The following C12orf42 variants were observed in gnomAD, a reference collection of about 807,000 sequenced individuals.
The protein encoded by C12orf42 is chromosome 12 open reading frame 42.
A neutral mutation model predicts 21.6 loss-of-function variants in C12orf42; 25 were observed. That is an observed-to-expected ratio of 1.16 (90% CI 0.84 to 1.62). C12orf42 has a LOEUF of 1.62. C12orf42 is among the 40% of genes most tolerant of loss of function. The pLI is 0.00. For synonymous variants in C12orf42, 174 were observed against 175.0 expected, an observed-to-expected ratio of 0.99 and a Z score of 0.05; for missense variants, 483 against 459.3, an observed-to-expected ratio of 1.05 and a Z score of -0.47.
intron 2 of C12orf42, among the ~76,000 whole-genome samples, chr12:103,403,191 C>T (rs936811666): frequency 5.9e-5 from 9 of 151,862 alleles, no homozygotes; most frequent in Non-Finnish European, 1.5e-5. Context: ...CTGGCTAACA[C>T]GGTGAAACCC....
intron 2 of C12orf42, among the ~76,000 whole-genome samples, chr12:103,422,368 A>G (rs2049984636): frequency 6.6e-6 from 1 of 152,236 alleles, no homozygotes; most frequent in South Asian, 2.1e-4. Context: ...CAAAAGCAAT[A>G]TCCCAATTCA....
chr12:103,530,960 C>G, the C12orf42 span, among the ~76,000 whole-genome samples: 1 of 152,096 alleles, frequency 6.6e-6, no homozygotes, highest in East Asian at 1.9e-4. Context: ...AGGCAAGAAG[C>G]GATGCAAACA....
intron 1 of C12orf42, among the ~76,000 whole-genome samples, chr12:103,491,953 T>G (rs1349606198): frequency 5.0e-5 from 2 of 39,646 alleles, no homozygotes; most frequent in Non-Finnish European, 1.5e-4. Flanking sequence ...TTCAATTTTG[T>G]TTTTTTTTTG....
the C12orf42 span, among the ~76,000 whole-genome samples, chr12:103,055,392 G>C: frequency 6.6e-6 from 1 of 151,572 alleles, no homozygotes; most frequent in Non-Finnish European, 1.5e-5. Context: ...ATGTCTGAAG[G>C]GTCTGTGATA....
intron 3 of C12orf42, among the ~76,000 whole-genome samples, chr12:103,389,211 TG>T (rs1265526005): frequency 1.3e-5 from 2 of 152,084 alleles, no homozygotes; most frequent in African/African-American, 4.8e-5. Flanking sequence ...GGGAATGGGT[TG>T]GGGGTGGGGG....
intron 4 of C12orf42, among the ~76,000 whole-genome samples, chr12:103,321,894 T>C (rs1408661357): frequency 3.3e-5 from 5 of 151,658 alleles, no homozygotes; most frequent in Admixed American, 6.6e-5. Context: ...AGGGATAGCA[T>C]TGGGAGATAT....
the C12orf42 span, among the ~76,000 whole-genome samples, chr12:103,100,386 C>T: frequency 2.0e-5 from 3 of 152,204 alleles, no homozygotes; most frequent in South Asian, 2.1e-4. Context: ...CCTGCCGACA[C>T]GACCACTTGT....
intron 1 of C12orf42, among the ~76,000 whole-genome samples, chr12:103,487,007 T>C (rs1250175307): frequency 1.3e-5 from 2 of 152,146 alleles, no homozygotes; most frequent in Admixed American, 1.3e-4. Context: ...AGCTTTTAAT[T>C]TATTTGCTCT....
At chr12:103,328,454 C>A (rs1332605513) in intron 4 of C12orf42, among the ~76,000 whole-genome samples, 3 of 152,060 alleles carry the variant, frequency 2.0e-5, no homozygotes, top group Non-Finnish European at 4.4e-5. Context: ...CAAATTCAAT[C>A]TATGTCAGCT....
the C12orf42 span, among the ~76,000 whole-genome samples, chr12:103,098,423 A>T: frequency 6.6e-6 from 1 of 152,328 alleles, no homozygotes; most frequent in East Asian, 1.9e-4. Flanking sequence ...GTAGGTCAGA[A>T]CCAACTTACT....
At chr12:103,507,282 T>TATATAAATATATAATATA in the C12orf42 span, among the ~76,000 whole-genome samples, 1 of 69,632 alleles carries the variant, frequency 1.4e-5, no homozygotes, top group Non-Finnish European at 2.2e-5. Context: ...ATTATATATA[T>TATATAAATATATAATATA]TTTTTTTTAA....
At chr12:103,137,376 C>T in the C12orf42 span, among the ~76,000 whole-genome samples, 55 of 149,990 alleles carry the variant, frequency 3.7e-4, no homozygotes, top group Non-Finnish European at 6.7e-4. Context: ...AAAAAACAGA[C>T]GCTGGCAAGG....
chr12:103,367,968 A>G, intron 4 of C12orf42: 1 of 860,216 alleles, frequency 1.2e-6, no homozygotes, highest in Non-Finnish European at 1.6e-6. Context: ...ATGAATAAAC[A>G]CATTCAAAAT....
At chr12:103,112,236 G>T in the C12orf42 span, among the ~76,000 whole-genome samples, 2 of 152,180 alleles carry the variant, frequency 1.3e-5, no homozygotes, top group Non-Finnish European at 2.9e-5. Flanking sequence ...TTGAAGGAAA[G>T]AGTTAAGCGT....
chr12:103,429,450 T>C (rs12317094), intron 2 of C12orf42, among the ~76,000 whole-genome samples: 29,186 of 151,890 alleles, frequency 0.19, 3,371 homozygotes, highest in East Asian at 0.35. Context: ...CTACAAACCA[T>C]TGCTCAAGGA....
chr12:103,353,194 G>C (rs751201235), intron 4 of C12orf42, among the ~76,000 whole-genome samples: 5 of 151,774 alleles, frequency 3.3e-5, no homozygotes, highest in Admixed American at 6.6e-5. Context: ...GAAATGCAGA[G>C]AGCCTACCTT....
At chr12:103,343,516 C>T (rs1366928824) in intron 4 of C12orf42, among the ~76,000 whole-genome samples, 3 of 152,092 alleles carry the variant, frequency 2.0e-5, no homozygotes, top group Non-Finnish European at 4.4e-5. Flanking sequence ...TGGTGGCTCA[C>T]GCCTGTAATC....
At chr12:103,369,067 C>T (rs2044917507) in intron 3 of C12orf42, 69 bp from the exon 4 acceptor site, 1 of 729,236 alleles carries the variant, frequency 1.4e-6, no homozygotes, top group Non-Finnish European at 2.3e-6. Flanking sequence ...TTCATGCCAC[C>T]TAGCACTCTT....
At chr12:103,301,692 T>C (rs749447240), downstream of C12orf42, among the ~76,000 whole-genome samples, 1 of 152,256 alleles carries the variant, frequency 6.6e-6, no homozygotes, top group Non-Finnish European at 1.5e-5. Flanking sequence ...CATTCAATTA[T>C]GTTTTCCCAA....
Sources: allele counts gnomAD v4.1 joint callset (sites outside exome capture counted in the v4.1 genomes callset), GRCh38; gene constraint gnomAD v4.1.1; transcripts MANE v1.5; gene names NCBI Gene and HGNC (gene_info 2026-07-23, HGNC 2026-07-21).